Variants in CCSER1 observed in about 807,000 individuals in gnomAD.
CCSER1 encodes the protein coiled-coil serine rich protein 1, also known as serine-rich coiled-coil domain-containing protein 1.
A neutral mutation model predicts 82.0 loss-of-function variants in CCSER1; 41 were observed. The ratio of observed to expected loss-of-function variants is 0.50; its 90% CI spans 0.39 to 0.65. The LOEUF is 0.65. Among genes scored for constraint, CCSER1 ranks in the 30% least tolerant of loss-of-function variants. The probability of loss-of-function intolerance (pLI) is 0.00; values close to 1 mark genes in which losing one functional copy is unlikely to be tolerated. For missense variants in CCSER1, 1,119 were observed against 1,064.2 expected (o/e 1.05, Z -0.72); for synonymous variants, 414 against 383.9 (o/e 1.08, Z -0.92).
intron 10 of CCSER1, among the ~76,000 whole-genome samples, chr4:91,151,374 G>A (rs1283809182): frequency 1.3e-5 from 2 of 151,742 alleles, no homozygotes; most frequent in Non-Finnish European, 2.9e-5. Context: ...TTCTTCATTA[G>A]TCTTGCTAGT....
chr4:91,172,271 T>C (rs749770991), intron 10 of CCSER1, among the ~76,000 whole-genome samples: 1 of 152,138 alleles, frequency 6.6e-6, no homozygotes, highest in Non-Finnish European at 1.5e-5. Context: ...GATATACATA[T>C]TGTTAAAAGA....
At chr4:91,211,194 T>G (rs1234688254) in intron 10 of CCSER1, among the ~76,000 whole-genome samples, 1 of 151,850 alleles carries the variant, frequency 6.6e-6, no homozygotes, top group Non-Finnish European at 1.5e-5. Context: ...AAGAGACAAA[T>G]TGAGATGCCA....
intron 5 of CCSER1, among the ~76,000 whole-genome samples, chr4:90,544,796 G>T (rs1478837813): frequency 6.6e-6 from 1 of 151,982 alleles, no homozygotes; most frequent in East Asian, 1.9e-4. Context: ...AATTCCAAAG[G>T]CTTAGAGACC....
chr4:90,949,154 C>CT (rs1732611220), intron 9 of CCSER1, among the ~76,000 whole-genome samples: 1 of 151,908 alleles, frequency 6.6e-6, no homozygotes, highest in Non-Finnish European at 1.5e-5. Flanking sequence ...CTACTTGGTG[C>CT]TTTTTGATAT....
chr4:91,552,341 C>T (rs899165341), intron 10 of CCSER1, among the ~76,000 whole-genome samples: 2 of 151,588 alleles, frequency 1.3e-5, no homozygotes, highest in African/African-American at 4.9e-5. Context: ...AATTACTTTC[C>T]AGGCACCATT....
chr4:90,603,172 A>C (rs1330780894), intron 5 of CCSER1, among the ~76,000 whole-genome samples: 1 of 152,228 alleles, frequency 6.6e-6, no homozygotes, highest in Non-Finnish European at 1.5e-5. Context: ...TTAGTAGAAG[A>C]AAATAGAAGC....
At chr4:91,086,499 A>T (rs1581520889) in intron 10 of CCSER1, among the ~76,000 whole-genome samples, 1 of 152,142 alleles carries the variant, frequency 6.6e-6, no homozygotes, top group East Asian at 1.9e-4. Flanking sequence ...TGAAGACTTA[A>T]CATCACTTAA....
chr4:90,133,513 A>G (rs757163311), intron 1 of CCSER1, among the ~76,000 whole-genome samples: 1 of 152,214 alleles, frequency 6.6e-6, no homozygotes, highest in African/African-American at 2.4e-5. Context: ...TAGCTGTACA[A>G]TAATAATATC....
At chr4:91,124,361 G>T (rs1347251391) in intron 10 of CCSER1, among the ~76,000 whole-genome samples, 1 of 151,688 alleles carries the variant, frequency 6.6e-6, no homozygotes, top group Non-Finnish European at 1.5e-5. Context: ...GCACATCTTT[G>T]GTTGAGACTC....
At chr4:90,130,778 C>A (rs1343396013) in intron 1 of CCSER1, among the ~76,000 whole-genome samples, 1 of 151,474 alleles carries the variant, frequency 6.6e-6, no homozygotes, top group African/African-American at 2.4e-5. Flanking sequence ...CGCATGCCAC[C>A]CCGCCCAGCT....
rs1186445590 is a variant in CCSER1, at chr4:91,013,251, TTAAGA to T, written c.2173-72694_2173-72690del. ...TTTGACTTGATTTTTATGTATCGTG[TTAAGA>T]TAAGGGTCCAATTTTTTCTTTTGTA... On this transcript the variant is annotated intron_variant, in intron 9 of 10. Coordinates refer to ENST00000509176, the MANE Select transcript of CCSER1 (RefSeq NM_001145065.2). Among the ~76,000 whole-genome samples the T allele has an allele frequency of 2.2e-5, 3 of 134,198 alleles. 1 individual carries two copies. Among genetic ancestry groups the T allele is most frequent in the East Asian group, 4.8e-4 (2 of 4,188 alleles). The allele number at this position is 134,198 out of a possible 152,430, so 88.0% of individuals were successfully genotyped here. A position where few individuals can be genotyped will look rare whatever the true frequency, so the allele number is the denominator to read the frequency against.
intron 4 of CCSER1, among the ~76,000 whole-genome samples, chr4:90,409,478 A>G (rs1754321374): frequency 1.3e-5 from 2 of 152,346 alleles, no homozygotes; most frequent in South Asian, 4.1e-4. Context: ...CCAATATTCA[A>G]CATTCTTAAA....
chr4:91,010,255 G>C (rs993406386), intron 9 of CCSER1, among the ~76,000 whole-genome samples: 1 of 152,136 alleles, frequency 6.6e-6, no homozygotes, highest in African/African-American at 2.4e-5. Context: ...GGCCTGCAGA[G>C]TTTCTGCTGA....
intron 1 of CCSER1, among the ~76,000 whole-genome samples, chr4:90,280,124 A>C (rs1186380912): frequency 4.6e-5 from 7 of 152,024 alleles, no homozygotes; most frequent in Non-Finnish European, 8.8e-5. Context: ...AACAAATTCC[A>C]ACAAGTTGGT....
intron 9 of CCSER1, among the ~76,000 whole-genome samples, chr4:90,998,417 T>C (rs939221507): frequency 3.9e-5 from 6 of 151,940 alleles, no homozygotes; most frequent in African/African-American, 1.2e-4. Flanking sequence ...TTTCCGTGGA[T>C]TTTCCCCTCT....
intron 10 of CCSER1, among the ~76,000 whole-genome samples, chr4:91,476,944 G>A (rs1757629761): frequency 6.6e-6 from 1 of 151,644 alleles, no homozygotes; most frequent in South Asian, 2.1e-4. Flanking sequence ...CACATAGGAT[G>A]TGAAAGTATG....
chr4:90,168,411 C>G (rs945165847), intron 1 of CCSER1, among the ~76,000 whole-genome samples: 2 of 151,920 alleles, frequency 1.3e-5, no homozygotes, highest in Non-Finnish European at 2.9e-5. Flanking sequence ...AAAATTTTCT[C>G]CCATTCTGTA....
chr4:90,397,969 A>T (rs771965849), intron 3 of CCSER1, among the ~76,000 whole-genome samples: 8 of 152,324 alleles, frequency 5.3e-5, no homozygotes, highest in Non-Finnish European at 1.5e-5. Context: ...GGGCTGCCAT[A>T]ACAAAATACT....
At chr4:90,229,941 C>A (rs1233511686) in intron 1 of CCSER1, among the ~76,000 whole-genome samples, 5 of 152,106 alleles carry the variant, frequency 3.3e-5, no homozygotes, top group Admixed American at 3.3e-4. Context: ...TATATATGCA[C>A]CCAAAATAGG....
Sources: allele counts gnomAD v4.1 joint callset (sites outside exome capture counted in the v4.1 genomes callset), GRCh38; gene constraint gnomAD v4.1.1; transcripts MANE v1.5; gene names NCBI Gene and HGNC (gene_info 2026-07-23, HGNC 2026-07-21).